Variants in FBRSL1 observed in about 807,000 individuals in gnomAD.
FBRSL1 encodes the protein fibrosin-1-like protein.
In FBRSL1, 51 loss-of-function variants were observed where a neutral mutation model predicts 89.6. The ratio of observed to expected loss-of-function variants is 0.57; its 90% CI spans 0.45 to 0.72. FBRSL1 has a LOEUF of 0.72. Ranked by LOEUF, FBRSL1 falls within the 30% of genes least tolerant of loss-of-function variation. The pLI, the probability that FBRSL1 is intolerant of heterozygous loss-of-function variation, is 0.00. For missense variants in FBRSL1, 1,618 were observed against 1,451.8 expected, an observed-to-expected ratio of 1.11 and a Z score of -1.86; for synonymous variants, 779 against 681.1, an observed-to-expected ratio of 1.14 and a Z score of -2.24.
At position 132,572,553 on chromosome 12, in the gene FBRSL1, C is replaced by T; in HGVS notation, c.1461C>T (p.Ile487=). 2 of 1,551,388 alleles carry T rather than the reference C, an allele frequency of 1.3e-6. No individual in the cohort carries two copies. The highest frequency in any genetic ancestry group is 1.2e-5 in the South Asian group (1 of 84,064). ...TCTTCCCGTCCTTCCCTCCTGCCAT[C>T]CCGGGACTGCCCACCCTGCTCCCAC... ...VSFFPSFPPA[I]PGLPTLLPHP... is the part of the protein sequence containing the mutation. The change falls in exon 11 of 19, where the codon ATC becomes ATT. Residue 487 remains isoleucine (I), a synonymous_variant. Transcript: ENST00000680143.
At chr12:132,501,841 C>T (rs1352983090) in intron 1 of FBRSL1, among the ~76,000 whole-genome samples, 1 of 152,174 alleles carries the variant, frequency 6.6e-6, no homozygotes. Context: ...CCCGTGGCTC[C>T]TCTCCTTCCT....
At chr12:132,563,782 C>T (rs1389778312) in intron 5 of FBRSL1, among the ~76,000 whole-genome samples, 2 of 70,872 alleles carry the variant, frequency 2.8e-5, no homozygotes, top group Non-Finnish European at 5.8e-5. Flanking sequence ...CACATACCTA[C>T]GACTGTACAC....
intron 2 of FBRSL1, chr12:132,509,040 C>T: frequency 8.2e-7 from 1 of 1,215,880 alleles, no homozygotes; most frequent in East Asian, 3.2e-5. Flanking sequence ...GTCCTCGGCT[C>T]TCCTCGGCCC....
At chr12:132,509,957 G>C in intron 2 of FBRSL1, 3 of 1,230,926 alleles carry the variant, frequency 2.4e-6, no homozygotes, top group South Asian at 4.1e-5. Context: ...GAAGGTCCCT[G>C]CTGGGCCAGC....
chr12:132,582,524 G>A (rs1468492134), intron 18 of FBRSL1, among the ~76,000 whole-genome samples: 1 of 151,742 alleles, frequency 6.6e-6, no homozygotes. Context: ...CTGCTCCCCG[G>A]CGACTCCTCC....
At chr12:132,565,503 C>T (rs1056223917) in intron 5 of FBRSL1, 1 of 33,466 alleles carries the variant, frequency 3.0e-5, no homozygotes, top group Non-Finnish European at 4.8e-5. Context: ...ACCCAACTGT[C>T]CTCATGTACA....
intron 1 of FBRSL1, 101 bp from the exon 2 acceptor site, chr12:132,508,052 G>A: frequency 8.3e-7 from 1 of 1,204,516 alleles, no homozygotes; most frequent in Non-Finnish European, 1.1e-6. Context: ...CCCCTCCCAA[G>A]TGGGGAGGCT....
intron 4 of FBRSL1, among the ~76,000 whole-genome samples, chr12:132,535,978 G>A (rs2036692229): frequency 6.6e-6 from 1 of 151,438 alleles, no homozygotes; most frequent in South Asian, 2.1e-4. Flanking sequence ...TGTCCATGAT[G>A]GTGTGAGTGC....
chr12:132,504,089 G>GAGGTGAGGTCTTGGGT (rs1223714788), intron 1 of FBRSL1, among the ~76,000 whole-genome samples: 3 of 152,118 alleles, frequency 2.0e-5, no homozygotes, highest in African/African-American at 7.2e-5. Flanking sequence ...GCCTGCCAGG[G>GAGGTGAGGTCTTGGGT]AGGTGAGGTC....
At chr12:132,507,370 C>G (rs1292340229) in intron 1 of FBRSL1, 1 of 985,370 alleles carries the variant, frequency 1.0e-6, no homozygotes, top group Non-Finnish European at 1.2e-6. Flanking sequence ...GTGCCAGGAG[C>G]TGAGCCAGCA....
chr12:132,548,711 G>A (rs370683805), intron 5 of FBRSL1, among the ~76,000 whole-genome samples: 1 of 152,308 alleles, frequency 6.6e-6, no homozygotes, highest in Non-Finnish European at 1.5e-5. Flanking sequence ...GGCAGGTGGC[G>A]TGAGGTCCCG....
intron 4 of FBRSL1, among the ~76,000 whole-genome samples, chr12:132,531,254 G>A (rs573590765): frequency 2.8e-4 from 42 of 152,252 alleles, no homozygotes; most frequent in African/African-American, 9.6e-4. Flanking sequence ...GGGCCCAGGC[G>A]AGGGTCTGGA....
chr12:132,501,989 C>G (rs529277825), intron 1 of FBRSL1, among the ~76,000 whole-genome samples: 2 of 152,240 alleles, frequency 1.3e-5, no homozygotes, highest in Non-Finnish European at 2.9e-5. Context: ...ACTTGCCTTT[C>G]CTTTTATTCT....
In FBRSL1 at chr12:132,546,376, G is replaced by C. The variant is rs1352333913; in HGVS notation, c.616-1627G>C. Among the ~76,000 whole-genome samples, 2 of 152,268 alleles carry C rather than the reference G, an allele frequency of 1.3e-5. No homozygotes were observed. Among genetic ancestry groups the C allele is most frequent in the Non-Finnish European group, 2.9e-5 (2 of 68,048 alleles). ...GGGATGGGCCCGGTTCTGACTTGGA[G>C]CCCTCAGTTCTTGTGTGGTGGGCCG... On this transcript the variant is annotated intron_variant, in intron 4 of 18. Coordinates refer to ENST00000680143, the MANE Select transcript of FBRSL1 (RefSeq NM_001367871.1). This position sits in a 1 kb window ranked among gnomAD's most constrained non-coding sequence, Gnocchi z 4.0.
rs2040918184 is a variant in FBRSL1, at chr12:132,583,292, C to T, written c.2523C>T (p.Gly841=). ...LHPAPLQLGL[G]RERLGAPGFA... ...CCGCGCCCCTGCAGCTCGGCCTGGG[C>T]CGCGAGCGCCTGGGCGCGCCGGGCT... Residue 841 remains glycine (G), a synonymous_variant, in exon 19 of 19, where the codon GGC becomes GGT. Transcript: ENST00000680143. The T allele has an allele frequency of 3.5e-6, 4 of 1,137,432 alleles. No individual in the cohort carries two copies. The African/African-American group carries it at 4.9e-5, about 14-fold the overall frequency. 70.5% of individuals were successfully genotyped at this position (1,137,432 alleles called of 1,614,324 possible). A position where few individuals can be genotyped will look rare whatever the true frequency, so the allele number is the denominator to read the frequency against.
At chr12:132,492,127 C>T (rs1297904264) in intron 1 of FBRSL1, among the ~76,000 whole-genome samples, 2 of 152,202 alleles carry the variant, frequency 1.3e-5, no homozygotes, top group Non-Finnish European at 2.9e-5. Context: ...GCCCTGCGCT[C>T]GGCTCCTGCA....
chr12:132,561,343 C>G (rs116175313), intron 5 of FBRSL1, among the ~76,000 whole-genome samples: 3,766 of 152,246 alleles, frequency 0.025, 157 homozygotes, highest in African/African-American at 0.085. Flanking sequence ...TCGCTGGTGT[C>G]TGGGGCGCCC....
chr12:132,503,121 C>A (rs2033231112), intron 1 of FBRSL1, among the ~76,000 whole-genome samples: 1 of 150,562 alleles, frequency 6.6e-6, no homozygotes, highest in Admixed American at 6.6e-5. Flanking sequence ...CCACCCCACC[C>A]CCCAGGAGCC....
intron 1 of FBRSL1, 29 bp downstream of exon 1, chr12:132,490,890 G>T: frequency 2.3e-6 from 3 of 1,317,424 alleles, no homozygotes; most frequent in Non-Finnish European, 9.7e-7. Flanking sequence ...CTTCGCAGGC[G>T]TTGAGGCGAG....
Sources: gnomAD v4.1 joint callset for allele counts (sites outside exome capture counted in the v4.1 genomes callset) on GRCh38, gnomAD v4.1.1 for gene constraint, Gnocchi (gnomAD v3.1) non-coding constraint, MANE v1.5 for transcripts, NCBI Gene and HGNC (gene_info 2026-07-23, HGNC 2026-07-21) for gene names.